The following EGLN1 variants were observed in gnomAD, a reference collection of about 807,000 sequenced individuals.
EGLN1 encodes egl nine homolog 1.
EGLN1 carries 17 observed loss-of-function variants against 38.3 expected under a neutral mutation model. The observed-to-expected ratio is 0.44, with a 90% CI of 0.30 to 0.67. EGLN1 has a LOEUF of 0.67. Among genes scored for constraint, EGLN1 ranks in the 30% least tolerant of loss-of-function variants. EGLN1 has a pLI of 0.08. For synonymous variants in EGLN1, 283 were observed against 257.5 expected (o/e 1.10, Z -0.95); for missense variants, 477 against 603.3 (o/e 0.79, Z 2.19).
At position 231,390,707 on chromosome 1, in the gene EGLN1, C is replaced by T. The variant is rs564952539; in HGVS notation, c.892-16608G>A. On this transcript the variant is annotated intron_variant, in intron 1 of 4. Transcript: ENST00000366641. Reference sequence around the variant, plus strand: ...CTTTAATCAAATAAATGAATGTTGTCTGTCTTCAAGTTGCTAATACCGTTT... The same window carrying T: ...CTTTAATCAAATAAATGAATGTTGTTTGTCTTCAAGTTGCTAATACCGTTT... Among the ~76,000 whole-genome samples the T allele has an allele frequency of 7.9e-5, 12 of 152,326 alleles. No individual in the cohort carries two copies. The South Asian group carries it at 2.3e-3, about 29-fold the overall frequency.
intron 1 of EGLN1, among the ~76,000 whole-genome samples, chr1:231,405,787 C>T (rs1688773941): frequency 6.6e-6 from 1 of 152,062 alleles, no homozygotes; most frequent in Non-Finnish European, 1.5e-5. Flanking sequence ...AAAAAGCTTA[C>T]AGCTACTATG....
chr1:231,401,868 TTA>T (rs1393234086), intron 1 of EGLN1, among the ~76,000 whole-genome samples: 1 of 152,190 alleles, frequency 6.6e-6, no homozygotes, highest in Non-Finnish European at 1.5e-5. Flanking sequence ...ATACTTAACT[TTA>T]TGAGAAATGG....
Position 231,421,526 on chromosome 1 carries a change from C to T in EGLN1, c.363G>A (p.Ala121=). The change falls in exon 1 of 5, where the codon GCG becomes GCA. Residue 121 remains alanine (A), a synonymous_variant. Transcript: ENST00000366641. This position sits in a 1 kb window ranked among gnomAD's most constrained non-coding sequence, Gnocchi z 5.5. ...KVKAKPPADP[A]AAASPCRAAA... is the part of the protein sequence containing the mutation. ...CCGCACGACACGGCGACGCGGCCGC[C>T]GCTGGGTCGGCCGGGGGCTTGGCCT... 2.3e-6 allele frequency: 3 copies of T among 1,302,286 alleles called. No individual in the cohort carries two copies. The highest frequency in any genetic ancestry group is 2.9e-6 in the Non-Finnish European group (3 of 1,026,222). The allele number at this position is 1,302,286 out of a possible 1,614,324, so 80.7% of individuals were successfully genotyped here.
In EGLN1 at chr1:231,369,655, A is replaced by G. The variant is rs1572016768; in HGVS notation, c.1148+907T>C. On this transcript the variant is annotated intron_variant, in intron 3 of 4. Coordinates refer to ENST00000366641, the MANE Select transcript of EGLN1 (RefSeq NM_022051.3). ...CAGAAGGCAGGAAGAAAAAAGGCAC[A>G]GCTGATAATCAAGTCGTTAGAGTCA... 11 of 928,268 alleles carry G rather than the reference A, an allele frequency of 1.2e-5. No homozygotes were observed. The South Asian group carries it at 5.5e-4, about 46-fold the overall frequency. 57.5% of individuals were successfully genotyped at this position (928,268 alleles called of 1,614,324 possible). A position where few individuals can be genotyped will look rare whatever the true frequency, so the allele number is the denominator to read the frequency against.
In EGLN1 at chr1:231,409,602, T is replaced by C. The variant is rs533391582; in HGVS notation, c.891+11396A>G. Among the ~76,000 whole-genome samples the C allele has an allele frequency of 9.8e-4, 149 of 152,310 alleles. 1 individual carries two copies. The highest frequency in any genetic ancestry group is 8.3e-4 in the South Asian group (4 of 4,830). ...AGAGGAAACTTCAGTCTTAATCACA[T>C]TGAGTTTGCAATACTTCCAGAAAAT... On this transcript the variant is annotated intron_variant, in intron 1 of 4. Transcript: ENST00000366641.
rs1428523578 is a variant in EGLN1, at chr1:231,421,893, G to A, written c.-5C>T. 20 of 1,413,198 alleles carry A rather than the reference G, an allele frequency of 1.4e-5. No individual in the cohort carries two copies. The highest frequency in any genetic ancestry group is 3.4e-5 in the Admixed American group (1 of 29,740). The allele number at this position is 1,413,198 out of a possible 1,614,324, so 87.5% of individuals were successfully genotyped here. The stretch of plus-strand genomic sequence containing the variant: ...CCCGCCGCTGTCATTGGCCATGGCG[G>A]CGGCGGCGGCGGCGACGGCGACTGC... On this transcript the variant is annotated 5_prime_UTR_variant, in exon 1 of 5. Transcript: ENST00000366641. This position sits in a 1 kb window ranked among gnomAD's most constrained non-coding sequence, Gnocchi z 5.5.
In EGLN1 at chr1:231,367,649, TTAGAA is replaced by T; in HGVS notation, c.1149-18_1149-14del. 6.2e-7 allele frequency: 1 copy of T among 1,611,936 alleles called. No homozygotes were observed. Among genetic ancestry groups the T allele is most frequent in the Non-Finnish European group, 8.5e-7 (1 of 1,178,404 alleles). ...AGTTATTGCGTACCTAAAAGAAAAT[TTAGAA>T]TAGGATAAGAATGATCACACTGCGG... On this transcript the variant is annotated splice_polypyrimidine_tract_variant and intron_variant, in intron 3 of 4. Coordinates refer to ENST00000366641, the MANE Select transcript of EGLN1 (RefSeq NM_022051.3).
chr1:231,395,457 C>T (rs1688498876), intron 1 of EGLN1, among the ~76,000 whole-genome samples: 1 of 152,166 alleles, frequency 6.6e-6, no homozygotes, highest in South Asian at 2.1e-4. Flanking sequence ...AAACTGGATG[C>T]CTGTTGGGCA....
At chr1:231,380,271 G>A (rs149245180) in intron 1 of EGLN1, among the ~76,000 whole-genome samples, 4,562 of 136,146 alleles carry the variant, frequency 0.034, 239 homozygotes, top group African/African-American at 0.11. Flanking sequence ...AGCGGAGATC[G>A]CGCCACTGCA....
At chr1:231,396,835 G>C (rs1015106222) in intron 1 of EGLN1, among the ~76,000 whole-genome samples, 1 of 152,092 alleles carries the variant, frequency 6.6e-6, no homozygotes, top group African/African-American at 2.4e-5. Flanking sequence ...CGGAAACTTA[G>C]AACTATCATC....
chr1:231,375,996 G>T lies in EGLN1; in HGVS notation c.892-1897C>A, dbSNP rs1374538434. The stretch of plus-strand genomic sequence containing the variant: ...GTAAAGAAGGAAGGGGAAAATATTT[G>T]TCAGTCACTCACCCCATCACATCCC... On this transcript the variant is annotated intron_variant, in intron 1 of 4. Transcript: ENST00000366641. Among the ~76,000 whole-genome samples the T allele has an allele frequency of 4.6e-5, 7 of 152,258 alleles. No individual in the cohort carries two copies. The South Asian group carries it at 1.4e-3, about 32-fold the overall frequency.
chr1:231,370,099 T>C (rs138747443), intron 3 of EGLN1, among the ~76,000 whole-genome samples: 93 of 152,348 alleles, frequency 6.1e-4, no homozygotes, highest in Middle Eastern at 3.4e-3. Flanking sequence ...CTTTTCTTTC[T>C]TCTGTTTTTC....
chr1:231,391,092 T>TTTTGTGTGTGTGTG lies in EGLN1; in HGVS notation c.892-16994_892-16993insCACACACACACAAA, dbSNP rs1553353098. Among the ~76,000 whole-genome samples, 5 of 67,364 alleles carry TTTTGTGTGTGTGTG rather than the reference T, an allele frequency of 7.4e-5. 2 individuals carry two copies. The highest frequency in any genetic ancestry group is 2.4e-4 in the African/African-American group (5 of 21,060). The allele number at this position is 67,364 out of a possible 152,430, so 44.2% of individuals were successfully genotyped here. On this transcript the variant is annotated intron_variant, in intron 1 of 4. Transcript: ENST00000366641. ...ACAGGGAACTCATTCTGTTTTTTTT[T>TTTTGTGTGTGTGTG]TGTGTGTGTGTGTGTGTGTGTGTGT...
rs192125444 is a variant in EGLN1, at chr1:231,399,883, C to G, written c.891+21115G>C. On this transcript the variant is annotated intron_variant, in intron 1 of 4. Coordinates refer to ENST00000366641, the MANE Select transcript of EGLN1 (RefSeq NM_022051.3). ...ACACAGGAGAGGGAAAAGGGCAGAC[C>G]CTTTTACAAGGGGAATAACAACTTT... Among the ~76,000 whole-genome samples, 11 of 152,088 alleles carry G rather than the reference C, an allele frequency of 7.2e-5. No homozygotes were observed. In the East Asian group the frequency reaches 2.1e-3, roughly 30 times the overall value.
At chr1:231,371,970 T>G (rs958573307) in intron 2 of EGLN1, among the ~76,000 whole-genome samples, 3 of 152,202 alleles carry the variant, frequency 2.0e-5, no homozygotes, top group African/African-American at 7.2e-5. Flanking sequence ...GGTTCCAGTG[T>G]TGTTCAGAGT....
intron 1 of EGLN1, among the ~76,000 whole-genome samples, chr1:231,388,382 A>G (rs1294009967): frequency 2.0e-5 from 3 of 152,288 alleles, no homozygotes; most frequent in Non-Finnish European, 4.4e-5. Context: ...AACTAACATT[A>G]ATAGTTAGTT....
In EGLN1 at chr1:231,391,088, T is replaced by TGTGTGTGTGTGTG. The variant is rs1558387104; in HGVS notation, c.892-16990_892-16989insCACACACACACAC. On this transcript the variant is annotated intron_variant, in intron 1 of 4. Coordinates refer to ENST00000366641, the MANE Select transcript of EGLN1 (RefSeq NM_022051.3). The stretch of plus-strand genomic sequence containing the variant: ...TGAGACAGGGAACTCATTCTGTTTT[T>TGTGTGTGTGTGTG]TTTTTGTGTGTGTGTGTGTGTGTGT... 8.3e-4 allele frequency among the ~76,000 whole-genome samples: 29 copies of TGTGTGTGTGTGTG among 34,732 alleles called. 2 individuals carry two copies. Among genetic ancestry groups the TGTGTGTGTGTGTG allele is most frequent in the African/African-American group, 2.1e-3 (29 of 14,034 alleles). 22.8% of individuals were successfully genotyped at this position (34,732 alleles called of 152,430 possible). A position where few individuals can be genotyped will look rare whatever the true frequency, so the allele number is the denominator to read the frequency against.
chr1:231,373,186 T>TCA (rs1687872112), intron 2 of EGLN1, among the ~76,000 whole-genome samples: 1 of 152,152 alleles, frequency 6.6e-6, no homozygotes, highest in Admixed American at 6.5e-5. Context: ...ACAGGGCTTG[T>TCA]CAGTACTGAT....
chr1:231,390,544 CTG>C (rs1342572729), intron 1 of EGLN1, among the ~76,000 whole-genome samples: 12 of 152,338 alleles, frequency 7.9e-5, no homozygotes, highest in African/African-American at 2.9e-4. Flanking sequence ...GTCAGATAGA[CTG>C]TGAACCCAAG....
Sources: allele counts gnomAD v4.1 joint callset (sites outside exome capture counted in the v4.1 genomes callset), GRCh38; gene constraint gnomAD v4.1.1; non-coding constraint Gnocchi (gnomAD v3.1); transcripts MANE v1.5; gene names NCBI Gene and HGNC (gene_info 2026-07-23, HGNC 2026-07-21).